The following CFAP161 variants were observed in gnomAD, a reference collection of about 807,000 sequenced individuals.
CFAP161 encodes cilia- and flagella-associated protein 161.
A neutral mutation model predicts 29.0 loss-of-function variants in CFAP161; 25 were observed. The ratio of observed to expected loss-of-function variants is 0.86; its 90% CI spans 0.63 to 1.20. The LOEUF is 1.20. CFAP161 is among the 50% of genes most tolerant of loss of function. The pLI is 0.00. For synonymous variants in CFAP161, 116 were observed against 137.4 expected (o/e 0.84, Z 1.09); for missense variants, 367 against 371.9 (o/e 0.99, Z 0.11).
upstream of CFAP161, among the ~76,000 whole-genome samples, chr15:81,131,990 G>A (rs1382310800): frequency 6.6e-6 from 1 of 152,142 alleles, no homozygotes; most frequent in Non-Finnish European, 1.5e-5. Context: ...AATAATGGAG[G>A]CCATGGCTGG....
Position 81,105,890 on chromosome 15 carries a change from T to C in CFAP161, c.-141-21700T>C, listed in dbSNP as rs116139388. Among the ~76,000 whole-genome samples the C allele has an allele frequency of 2.8e-3, 424 of 152,316 alleles. 2 individuals are homozygous for C. The highest frequency in any genetic ancestry group is 9.7e-3 in the African/African-American group (403 of 41,578). On this transcript the variant is annotated intron_variant, in intron 1 of 4. Coordinates refer to the CFAP161 transcript ENST00000560091. ...GGAGTGTGAAAAAGAAACTGAACAATTCACTGATGTGGCAGGTGCTTTCAA... is the reference window on the plus strand; with the variant it reads ...GGAGTGTGAAAAAGAAACTGAACAACTCACTGATGTGGCAGGTGCTTTCAA...
chr15:81,138,657 A>T (rs1035649293), intron 4 of CFAP161, among the ~76,000 whole-genome samples: 1 of 152,128 alleles, frequency 6.6e-6, no homozygotes, highest in East Asian at 1.9e-4. Context: ...TCAGGTGCGT[A>T]CCTATGGGAT....
upstream of CFAP161, among the ~76,000 whole-genome samples, chr15:81,133,962 C>A (rs1305642737): frequency 1.3e-5 from 2 of 152,160 alleles, no homozygotes; most frequent in Non-Finnish European, 2.9e-5. Flanking sequence ...GCCGTGCTTC[C>A]ATTTAAAAGC....
At chr15:81,141,368 T>G (rs1894905324) in intron 4 of CFAP161, among the ~76,000 whole-genome samples, 1 of 152,234 alleles carries the variant, frequency 6.6e-6, no homozygotes, top group South Asian at 2.1e-4. Context: ...ATTTCTCTTA[T>G]AAAAATATAA....
Position 81,135,303 on chromosome 15 carries a change from A to G in CFAP161, c.103A>G (p.Lys35Glu), listed in dbSNP as rs1397018220. ...LMKDFLEKRDKGKLLIQRSRR... is the reference protein window; with the variant it reads ...LMKDFLEKRDEGKLLIQRSRR... ...GAAAGACTTCTTAGAGAAGAGAGAC[A>G]AGGGGAAACTTCTCATACAGAGAAG... is the stretch of plus-strand genomic sequence containing the variant. The change falls in exon 2 of 7, where the codon AAG (lysine) becomes GAG (glutamate). Residue 35 changes from lysine (K) to glutamate (E), a missense_variant. Physicochemically the swap from Lys to Glu is moderately conservative, Grantham distance 56. Transcript: ENST00000286732. The G allele has an allele frequency of 2.5e-6, 4 of 1,601,786 alleles. No homozygotes were observed. Among genetic ancestry groups the G allele is most frequent in the Non-Finnish European group, 3.4e-6 (4 of 1,176,918 alleles).
chr15:81,134,279 C>A lies in CFAP161; in HGVS notation c.-51C>A, dbSNP rs765116821. 5.8e-6 allele frequency: 9 copies of A among 1,552,694 alleles called. No individual in the cohort carries two copies. The highest frequency in any genetic ancestry group is 1.7e-4 in the Middle Eastern group (1 of 5,810). ...GCCGGGTCGTCATGGCGACGCGCCACGCTAACGCATGGTGTCGGAGGGAGG... is the reference window on the plus strand; with the variant it reads ...GCCGGGTCGTCATGGCGACGCGCCAAGCTAACGCATGGTGTCGGAGGGAGG... On this transcript the variant is annotated 5_prime_UTR_variant, in exon 1 of 7. Coordinates refer to ENST00000286732, the MANE Select transcript of CFAP161 (RefSeq NM_173528.4).
At chr15:81,135,227 C>CTG in intron 1 of CFAP161, 43 bp from the exon 2 acceptor site, 3 of 1,237,952 alleles carry the variant, frequency 2.4e-6, no homozygotes, top group Non-Finnish European at 3.4e-6. Flanking sequence ...TTAATACTAA[C>CTG]ATCTATATTA....
chr15:81,137,633 A>G lies in CFAP161; in HGVS notation c.393-418A>G, dbSNP rs74613529. On this transcript the variant is annotated intron_variant, in intron 3 of 6. Coordinates refer to ENST00000286732, the MANE Select transcript of CFAP161 (RefSeq NM_173528.4). ...TCTAATTTAGATTTCCTTTGAATAC[A>G]TATGTTAAGACAAGTAAAAATTGAT... Among the ~76,000 whole-genome samples, 1,340 of 152,390 alleles carry G rather than the reference A, an allele frequency of 8.8e-3. 25 individuals are homozygous for G. The highest frequency in any genetic ancestry group is 0.028 in the African/African-American group (1,163 of 41,590).
chr15:81,111,131 T>C (rs996707194), intron 1 of CFAP161, among the ~76,000 whole-genome samples: 1 of 152,254 alleles, frequency 6.6e-6, no homozygotes, highest in Non-Finnish European at 1.5e-5. Context: ...GCTGAATTCC[T>C]TTCAGAGAAA....
At chr15:81,133,118 C>G (rs1476630321), upstream of CFAP161, among the ~76,000 whole-genome samples, 1 of 145,894 alleles carries the variant, frequency 6.9e-6, no homozygotes, top group Non-Finnish European at 1.5e-5. Flanking sequence ...CATCCAATTC[C>G]CATTCTCACA....
chr15:81,107,295 C>G (rs774397572), intron 1 of CFAP161, among the ~76,000 whole-genome samples: 2 of 152,208 alleles, frequency 1.3e-5, no homozygotes, highest in African/African-American at 4.8e-5. Context: ...CATCATATAA[C>G]GTGAGTGAGG....
At chr15:81,112,206 T>C (rs77773363) in intron 1 of CFAP161, among the ~76,000 whole-genome samples, 2 of 152,050 alleles carry the variant, frequency 1.3e-5, no homozygotes, top group African/African-American at 2.4e-5. Flanking sequence ...TTTTTTTTTT[T>C]CTTTACTACA....
In CFAP161 at chr15:81,148,511, C is replaced by T; in HGVS notation, c.884C>T (p.Ala295Val). Residue 295 changes from alanine (A) to valine (V), a missense_variant, in exon 7 of 7, where the codon GCC becomes GTC. Transcript: ENST00000286732. ...PTEDTRAMEQ[A>V]MGLDTQ ...GAGGACACTCGAGCCATGGAGCAGG[C>T]CATGGGCCTTGACACGCAGTAACAC... 1 of 1,613,766 alleles carries T rather than the reference C, an allele frequency of 6.2e-7. No individual in the cohort carries two copies. The highest frequency in any genetic ancestry group is 8.5e-7 in the Non-Finnish European group (1 of 1,179,676).
chr15:81,099,482 C>G (rs556334123), intron 1 of CFAP161: 1 of 152,366 alleles, frequency 6.6e-6, no homozygotes, highest in Admixed American at 6.5e-5. Flanking sequence ...CCAGCTGCCC[C>G]TCCCAGAACA....
chr15:81,116,126 A>C (rs1894494330), intron 1 of CFAP161, among the ~76,000 whole-genome samples: 1 of 152,162 alleles, frequency 6.6e-6, no homozygotes, highest in African/African-American at 2.4e-5. Flanking sequence ...TTCTTATTTA[A>C]CCAGTGGTTA....
intron 1 of CFAP161, among the ~76,000 whole-genome samples, chr15:81,108,838 T>C (rs905309125): frequency 1.3e-5 from 2 of 152,240 alleles, no homozygotes; most frequent in Non-Finnish European, 2.9e-5. Flanking sequence ...CTGTAAAGAA[T>C]TGAGGTTCCT....
chr15:81,142,121 T>C (rs905020875), intron 4 of CFAP161, among the ~76,000 whole-genome samples: 1 of 152,116 alleles, frequency 6.6e-6, no homozygotes, highest in African/African-American at 2.4e-5. Context: ...CCGCTGTTCC[T>C]AGGCTCTTTT....
In CFAP161 at chr15:81,136,560, C is replaced by CA; in HGVS notation, c.207dup (p.Val70SerfsTer7). 6.2e-7 allele frequency: 1 copy of CA among 1,614,152 alleles called. No individual in the cohort carries two copies. The highest frequency in any genetic ancestry group is 8.5e-7 in the Non-Finnish European group (1 of 1,180,032). ...AAGATGGCTATATTCATTACGGTGA[C>CA]AAAGTGATGCTTGTGAATCCTGATG... On this transcript the variant is annotated frameshift_variant, in exon 3 of 7. Coordinates refer to ENST00000286732, the MANE Select transcript of CFAP161 (RefSeq NM_173528.4). LOFTEE classifies it high-confidence loss of function.
Position 81,146,831 on chromosome 15 carries a change from A to AATATATAT in CFAP161, c.637-982_637-975dup, listed in dbSNP as rs3086710. Among the ~76,000 whole-genome samples the AATATATAT allele has an allele frequency of 6.4e-3, 450 of 70,336 alleles. 9 individuals carry two copies. Among genetic ancestry groups the AATATATAT allele is most frequent in the Non-Finnish European group, 0.012 (330 of 27,888 alleles). The allele number at this position is 70,336 out of a possible 152,430, so 46.1% of individuals were successfully genotyped here. A position where few individuals can be genotyped will look rare whatever the true frequency, so the allele number is the denominator to read the frequency against. Reference sequence around the variant, plus strand: ...TTTGCTCTTAAATAGGATAGCTACAAATATATATATATATATATATATATA... The same window carrying AATATATAT: ...TTTGCTCTTAAATAGGATAGCTACAAATATATATATATATATATATATATATATATATA... On this transcript the variant is annotated intron_variant, in intron 5 of 6. Transcript: ENST00000286732.
Sources: allele counts gnomAD v4.1 joint callset (sites outside exome capture counted in the v4.1 genomes callset), GRCh38; gene constraint gnomAD v4.1.1; transcripts MANE v1.5; gene names NCBI Gene and HGNC (gene_info 2026-07-23, HGNC 2026-07-21).